The following UBA2 variants were observed in gnomAD, a reference collection of about 807,000 sequenced individuals.
UBA2 encodes ubiquitin like modifier activating enzyme 2.
UBA2 carries 11 observed loss-of-function variants against 77.2 expected under a neutral mutation model. The observed-to-expected ratio is 0.14, with a 90% CI of 0.09 to 0.24. The LOEUF is 0.24. Among genes scored for constraint, UBA2 ranks in the 10% least tolerant of loss-of-function variants. UBA2 has a pLI of 1.00. For synonymous variants in UBA2, 278 were observed against 276.7 expected, an observed-to-expected ratio of 1.00 and a Z score of -0.05; for missense variants, 487 against 781.7, an observed-to-expected ratio of 0.62 and a Z score of 4.50.
rs1168537048 is a variant in UBA2 at position 34,452,170 on chromosome 19, A to T, written c.1038+23A>T. 3 of 1,540,818 alleles carry T rather than the reference A, an allele frequency of 1.9e-6. No homozygotes were observed. In the East Asian group the frequency reaches 7.0e-5, roughly 36 times the overall value. On this transcript the variant is annotated intron_variant, in intron 10 of 16. Coordinates refer to ENST00000246548, the MANE Select transcript of UBA2 (RefSeq NM_005499.3). ...AAGGTTCGTTTTGACAATGTGTGGCAAGTACTTACATGTCAAAAGTGTGTT... is the reference window on the plus strand; with the variant it reads ...AAGGTTCGTTTTGACAATGTGTGGCTAGTACTTACATGTCAAAAGTGTGTT...
chr19:34,438,531 C>T (rs2075334625), intron 5 of UBA2, 114 bp from the exon 6 acceptor site: 1 of 1,323,128 alleles, frequency 7.6e-7, no homozygotes. Context: ...TTTAAAATTT[C>T]CTTGACAACG....
chr19:34,460,952 A>G (rs1252236519), intron 14 of UBA2, among the ~76,000 whole-genome samples: 1 of 152,206 alleles, frequency 6.6e-6, no homozygotes, highest in East Asian at 1.9e-4. Flanking sequence ...TATAGCAGAA[A>G]GATTATTGAA....
rs189704638 is a variant in UBA2, at chr19:34,462,461, G to C, written c.1499-1565G>C. Among the ~76,000 whole-genome samples the C allele has an allele frequency of 6.2e-4, 95 of 152,280 alleles. 1 individual carries two copies. Among genetic ancestry groups the C allele is most frequent in the African/African-American group, 2.2e-3 (92 of 41,542 alleles). On this transcript the variant is annotated intron_variant, in intron 14 of 16. Coordinates refer to ENST00000246548, the MANE Select transcript of UBA2 (RefSeq NM_005499.3). ...TCAGTGGAGATGTGTGAAAGGGCTT[G>C]GAGGTGGAAATCTGGGTAAGAATGC...
chr19:34,455,112 C>G (rs2075543823), intron 12 of UBA2, among the ~76,000 whole-genome samples: 1 of 152,082 alleles, frequency 6.6e-6, no homozygotes. Context: ...TGTATTTCTT[C>G]AAAGAGCATT....
chr19:34,459,978 A>C (rs2075613142), intron 13 of UBA2, among the ~76,000 whole-genome samples: 1 of 152,212 alleles, frequency 6.6e-6, no homozygotes, highest in African/African-American at 2.4e-5. Flanking sequence ...TAGGATTCTT[A>C]GACCTATAGA....
At chr19:34,436,077 G>A (rs1191815671) in intron 5 of UBA2, among the ~76,000 whole-genome samples, 5 of 146,648 alleles carry the variant, frequency 3.4e-5, no homozygotes, top group Non-Finnish European at 5.9e-5. Context: ...CTGAGATCAC[G>A]CCATTGCACT....
rs770893479 is a variant in UBA2 at position 34,433,418 on chromosome 19, G to A, written c.358+6G>A. 2 of 1,573,992 alleles carry A rather than the reference G, an allele frequency of 1.3e-6. No individual in the cohort carries two copies. Among genetic ancestry groups the A allele is most frequent in the Non-Finnish European group, 1.7e-6 (2 of 1,146,892 alleles). On this transcript the variant is annotated splice_donor_region_variant and intron_variant, in intron 4 of 16. Coordinates refer to ENST00000246548, the MANE Select transcript of UBA2 (RefSeq NM_005499.3). ...GAATGCTTTAGATAACAGAGGTGAG[G>A]TTATTTTAATACTTTTAATTTCTCA...
At chr19:34,467,823 G>A (rs1468112249) in intron 16 of UBA2, among the ~76,000 whole-genome samples, 1 of 152,142 alleles carries the variant, frequency 6.6e-6, no homozygotes, top group Admixed American at 6.6e-5. Flanking sequence ...CAGAAAATAA[G>A]AACACTTTGT....
chr19:34,455,192 A>G (rs182667434), intron 12 of UBA2, among the ~76,000 whole-genome samples: 2 of 152,302 alleles, frequency 1.3e-5, no homozygotes, highest in East Asian at 3.9e-4. Flanking sequence ...GATTTTCAAT[A>G]CCTATGTATT....
chr19:34,436,894 T>C (rs1027057975), intron 5 of UBA2, among the ~76,000 whole-genome samples: 1 of 152,172 alleles, frequency 6.6e-6, no homozygotes, highest in Non-Finnish European at 1.5e-5. Flanking sequence ...CAGTGCGTAT[T>C]AAGTTGTTGA....
chr19:34,451,117 T>C (rs906372902), intron 9 of UBA2, among the ~76,000 whole-genome samples: 3 of 152,134 alleles, frequency 2.0e-5, no homozygotes, highest in Admixed American at 2.0e-4. Flanking sequence ...TCCTCCTCCC[T>C]CAGTCTCCTG....
At chr19:34,464,931 G>A (rs2075671802) in intron 15 of UBA2, among the ~76,000 whole-genome samples, 1 of 152,136 alleles carries the variant, frequency 6.6e-6, no homozygotes, top group African/African-American at 2.4e-5. Context: ...CCAAAGGCTG[G>A]TGGTGGCGCA....
chr19:34,430,712 A>T, intron 2 of UBA2, 53 bp downstream of exon 2: 1 of 1,407,992 alleles, frequency 7.1e-7, no homozygotes, highest in South Asian at 1.2e-5. Context: ...TCTATTTGTG[A>T]TACCAGATTA....
chr19:34,458,830 C>G lies in UBA2; in HGVS notation c.1307C>G (p.Pro436Arg). 1 of 1,614,086 alleles carries G rather than the reference C, an allele frequency of 6.2e-7. No homozygotes were observed. Among genetic ancestry groups the G allele is most frequent in the Non-Finnish European group, 8.5e-7 (1 of 1,180,004 alleles). ...KKLLVPCALD[P>R]PNPNCYVCAS... ...CTTCTTGTGCCTTGTGCACTGGATC[C>G]TCCCAACCCCAATTGTTATGTATGT... The change falls in exon 13 of 17, where the codon CCT becomes CGT. Residue 436 changes from proline (P) to arginine (R), a missense_variant. Transcript: ENST00000246548.
At chr19:34,456,305 G>A (rs2075562384) in intron 12 of UBA2, among the ~76,000 whole-genome samples, 1 of 151,114 alleles carries the variant, frequency 6.6e-6, no homozygotes, top group Admixed American at 6.6e-5. Context: ...AGTAGAGACG[G>A]TGTTTCACCT....
intron 13 of UBA2, 140 bp from the exon 14 acceptor site, chr19:34,460,330 T>C: frequency 1.6e-6 from 1 of 632,408 alleles, no homozygotes; most frequent in Non-Finnish European, 2.8e-6. Context: ...TCCTGCTTGC[T>C]CTAAGGGATC....
At chr19:34,432,884 A>C (rs1329277818) in intron 3 of UBA2, among the ~76,000 whole-genome samples, 1 of 149,488 alleles carries the variant, frequency 6.7e-6, no homozygotes, top group Non-Finnish European at 1.5e-5. Flanking sequence ...TTAGTTTTTT[A>C]CTCTGTGAAC....
chr19:34,454,436 T>A lies in UBA2; in HGVS notation c.1133-8T>A. The stretch of plus-strand genomic sequence containing the variant: ...TGAAACATACTCATCCTTTTTTTTT[T>A]TTCCCAGCAATGGCAGGGAACATTA... On this transcript the variant is annotated splice_region_variant and splice_polypyrimidine_tract_variant and intron_variant, in intron 11 of 16. Coordinates refer to ENST00000246548, the MANE Select transcript of UBA2 (RefSeq NM_005499.3). 3 of 1,584,628 alleles carry A rather than the reference T, an allele frequency of 1.9e-6. No homozygotes were observed. The highest frequency in any genetic ancestry group is 2.6e-6 in the Non-Finnish European group (3 of 1,166,106).
At chr19:34,446,612 CTTTTTTTT>C (rs911805667) in intron 8 of UBA2, among the ~76,000 whole-genome samples, 30 of 53,830 alleles carry the variant, frequency 5.6e-4, no homozygotes, top group East Asian at 6.6e-3. Context: ...TTTTTTCTTT[CTTTTTTTT>C]TTTTTTTGAG....
Sources: allele counts gnomAD v4.1 joint callset (sites outside exome capture counted in the v4.1 genomes callset), GRCh38; gene constraint gnomAD v4.1.1; transcripts MANE v1.5; gene names NCBI Gene and HGNC (gene_info 2026-07-23, HGNC 2026-07-21).